GPATCH8: variants seen among roughly 807,000 people sequenced by gnomAD.
The protein encoded by GPATCH8 is G-patch domain containing 8, also known as G patch domain-containing protein 8.
GPATCH8 carries 18 observed loss-of-function variants against 118.3 expected under a neutral mutation model. The observed-to-expected ratio is 0.15, with a 90% CI of 0.11 to 0.23. GPATCH8 has a LOEUF of 0.23. Among genes scored for constraint, GPATCH8 ranks in the 10% least tolerant of loss-of-function variants. The probability of loss-of-function intolerance (pLI) is 1.00; values close to 1 mark genes in which losing one functional copy is unlikely to be tolerated. For missense variants in GPATCH8, 1,631 were observed against 1,873.8 expected (o/e 0.87, Z 2.39); for synonymous variants, 659 against 684.7 (o/e 0.96, Z 0.59).
At position 44,399,609 on chromosome 17, in the gene GPATCH8, G is replaced by A. The variant is rs2048929842; in HGVS notation, c.2468C>T (p.Ala823Val). ...PSSGDEDSDD[A>V]SSHRLHQKSP... ...CTTCTGGTGCAGCCGGTGTGAGGAAGCATCATCACTATCCTCATCTCCACT... is the reference window on the plus strand; with the variant it reads ...CTTCTGGTGCAGCCGGTGTGAGGAAACATCATCACTATCCTCATCTCCACT... Residue 823 changes from alanine (A) to valine (V), a missense_variant, in exon 8 of 8, where the codon GCT (alanine) becomes GTT (valine). By Grantham distance (64) the Ala-to-Val change is moderately conservative. Transcript: ENST00000591680. 4 of 1,614,078 alleles carry A rather than the reference G, an allele frequency of 2.5e-6. 1 individual carries two copies. The South Asian group carries it at 4.4e-5, about 18-fold the overall frequency.
intron 1 of GPATCH8, among the ~76,000 whole-genome samples, chr17:44,494,588 A>C (rs1364066713): frequency 6.6e-6 from 1 of 152,012 alleles, no homozygotes; most frequent in East Asian, 1.9e-4. Flanking sequence ...GCGAAACTTC[A>C]CCTCAAAATA....
rs140513229 is a variant in GPATCH8, at chr17:44,441,707, C to T, written c.194-5162G>A. ...CCACTGCACTCCAGCCTGGGCAACA[C>T]AACGACACTCCTTCCCCCCGCCCCC... On this transcript the variant is annotated intron_variant, in intron 3 of 7. Coordinates refer to ENST00000591680, the MANE Select transcript of GPATCH8 (RefSeq NM_001002909.4). Among the ~76,000 whole-genome samples the T allele has an allele frequency of 4.4e-3, 626 of 142,558 alleles. 2 individuals carry two copies. The highest frequency in any genetic ancestry group is 0.015 in the African/African-American group (585 of 38,226). The allele number at this position is 142,558 out of a possible 152,430, so 93.5% of individuals were successfully genotyped here.
chr17:44,464,900 T>C (rs1169969880), intron 2 of GPATCH8: 2 of 250,482 alleles, frequency 8.0e-6, no homozygotes, highest in Non-Finnish European at 1.6e-5. Context: ...ACTTATACAG[T>C]CATATCCACC....
At chr17:44,440,374 C>T (rs2050648385) in intron 3 of GPATCH8, among the ~76,000 whole-genome samples, 1 of 152,186 alleles carries the variant, frequency 6.6e-6, no homozygotes. Context: ...AACTGATACT[C>T]ATATTTTCTA....
chr17:44,444,252 A>AC (rs1555634101), intron 3 of GPATCH8, among the ~76,000 whole-genome samples: 3 of 3,810 alleles, frequency 7.9e-4, no homozygotes, highest in Non-Finnish European at 1.5e-3. Context: ...GTTACTTTCA[A>AC]TTAAAAAAAA....
rs1252302488 is a variant in GPATCH8, at chr17:44,397,101, A to C, written c.*467T>G. ...ACTACCCCAAAATGGTGGCACTTCC[A>C]CCACTAGAACAGCTTGGCCTTCCCT... On this transcript the variant is annotated 3_prime_UTR_variant, in exon 8 of 8. Coordinates refer to ENST00000591680, the MANE Select transcript of GPATCH8 (RefSeq NM_001002909.4). 1.3e-5 allele frequency: 6 copies of C among 454,872 alleles called. No individual in the cohort carries two copies. Among genetic ancestry groups the C allele is most frequent in the Non-Finnish European group, 2.6e-5 (6 of 227,464 alleles). 28.2% of individuals were successfully genotyped at this position (454,872 alleles called of 1,614,324 possible).
chr17:44,420,751 T>C (rs1021845973), intron 6 of GPATCH8, among the ~76,000 whole-genome samples: 4 of 152,120 alleles, frequency 2.6e-5, no homozygotes, highest in Non-Finnish European at 5.9e-5. Flanking sequence ...TACAACACAT[T>C]AATGCTGTCA....
chr17:44,435,195 C>G (rs1021437543), intron 4 of GPATCH8, 44 bp from the exon 5 acceptor site: 1 of 884,164 alleles, frequency 1.1e-6, no homozygotes, highest in Non-Finnish European at 1.9e-6. Flanking sequence ...CTAAAGTACC[C>G]CCAAGATTAG....
intron 3 of GPATCH8, among the ~76,000 whole-genome samples, chr17:44,448,945 A>G (rs2051008977): frequency 6.6e-6 from 1 of 152,104 alleles, no homozygotes; most frequent in African/African-American, 2.4e-5. Flanking sequence ...GATCCATTCT[A>G]TTTGCATTAA....
At chr17:44,424,644 T>C (rs2050026978) in intron 5 of GPATCH8, 152 bp from the exon 6 acceptor site, 1 of 668,122 alleles carries the variant, frequency 1.5e-6, no homozygotes, top group Non-Finnish European at 2.7e-6. Context: ...ACACAAGTGG[T>C]ACTTTGGTGG....
chr17:44,429,469 G>GTA (rs1339498840), intron 5 of GPATCH8, among the ~76,000 whole-genome samples: 41 of 151,712 alleles, frequency 2.7e-4, no homozygotes, highest in South Asian at 6.2e-4. Context: ...AATCTTGTGT[G>GTA]TATATATATA....
At chr17:44,480,840 C>G (rs1385218430) in intron 1 of GPATCH8, among the ~76,000 whole-genome samples, 1 of 152,022 alleles carries the variant, frequency 6.6e-6, no homozygotes, top group Non-Finnish European at 1.5e-5. Flanking sequence ...CACTGCACTC[C>G]AACCTGGGTG....
At position 44,401,167 on chromosome 17, in the gene GPATCH8, A is replaced by T; in HGVS notation, c.910T>A (p.Phe304Ile). 6.2e-7 allele frequency: 1 copy of T among 1,614,162 alleles called. No individual in the cohort carries two copies. The highest frequency in any genetic ancestry group is 1.1e-5 in the South Asian group (1 of 91,072). The change falls in exon 8 of 8, where the codon TTT becomes ATT. Residue 304 changes from phenylalanine to isoleucine, a missense_variant. Phe to Ile is a conservative substitution (Grantham distance 21, BLOSUM62 0). Transcript: ENST00000591680. ...PLQKLGVSFS[F>I]AKKAPVKLES... ...AGTTTGACAGGAGCCTTTTTGGCAAAAGAAAATGACACTCCCAATTTTTGC... is the reference window on the plus strand; with the variant it reads ...AGTTTGACAGGAGCCTTTTTGGCAATAGAAAATGACACTCCCAATTTTTGC...
rs991292019 is a variant in GPATCH8 at position 44,397,053 on chromosome 17, C to T, written c.*515G>A. 1 of 454,116 alleles carries T rather than the reference C, an allele frequency of 2.2e-6. No individual in the cohort carries two copies. The highest frequency in any genetic ancestry group is 4.4e-6 in the Non-Finnish European group (1 of 226,846). 28.1% of individuals were successfully genotyped at this position (454,116 alleles called of 1,614,324 possible). On this transcript the variant is annotated 3_prime_UTR_variant, in exon 8 of 8. Coordinates refer to ENST00000591680, the MANE Select transcript of GPATCH8 (RefSeq NM_001002909.4). ...TTCCACCTCACCTGGGATAACGTAA[C>T]GTCACCAAAGATGGTCAAAGATACT...
intron 2 of GPATCH8, among the ~76,000 whole-genome samples, chr17:44,472,725 T>C (rs1395386954): frequency 6.6e-6 from 1 of 152,224 alleles, no homozygotes; most frequent in Non-Finnish European, 1.5e-5. Context: ...AGATGGAGTC[T>C]CGCTCTGTCA....
At chr17:44,447,457 A>C (rs1050004174) in intron 3 of GPATCH8, among the ~76,000 whole-genome samples, 4 of 152,034 alleles carry the variant, frequency 2.6e-5, no homozygotes, top group Non-Finnish European at 4.4e-5. Flanking sequence ...GCACCCAGCC[A>C]ATAAACTTCT....
At position 44,397,883 on chromosome 17, in the gene GPATCH8, A is replaced by G; in HGVS notation, c.4194T>C (p.His1398=). The part of the protein sequence containing the change: ...AAAIGIHPHP[H]PQPLAQVHHI... ...GATGCACCTGGGCAAGTGGTTGGGG[A>G]TGGGGGTGAGGGTGAATGCCGATGG... Residue 1398 remains histidine (H), a synonymous_variant, in exon 8 of 8, where the codon CAT becomes CAC. Coordinates refer to ENST00000591680, the MANE Select transcript of GPATCH8 (RefSeq NM_001002909.4). 6.2e-7 allele frequency: 1 copy of G among 1,607,780 alleles called. No individual in the cohort carries two copies. The highest frequency in any genetic ancestry group is 1.3e-5 in the African/African-American group (1 of 74,670).
Position 44,395,342 on chromosome 17 carries a change from CTATCA to C in GPATCH8, c.*2221_*2225del. On this transcript the variant is annotated 3_prime_UTR_variant, in exon 8 of 8. Coordinates refer to ENST00000591680, the MANE Select transcript of GPATCH8 (RefSeq NM_001002909.4). Reference sequence around the variant, plus strand: ...CCCTCATTTTACAGCATATATATCTCTATCATATGTGATAAAGTTAAATACAATCT... The same window carrying C: ...CCCTCATTTTACAGCATATATATCTCTATGTGATAAAGTTAAATACAATCT... The C allele has an allele frequency of 2.3e-6, 1 of 437,542 alleles. No individual in the cohort carries two copies. Among genetic ancestry groups the C allele is most frequent in the Non-Finnish European group, 4.5e-6 (1 of 220,708 alleles). The allele number at this position is 437,542 out of a possible 1,614,324, so 27.1% of individuals were successfully genotyped here. A position where few individuals can be genotyped will look rare whatever the true frequency, so the allele number is the denominator to read the frequency against.
chr17:44,441,437 G>A (rs1181769834), intron 3 of GPATCH8, among the ~76,000 whole-genome samples: 1 of 152,148 alleles, frequency 6.6e-6, no homozygotes, highest in African/African-American at 2.4e-5. Context: ...CAAATATTGA[G>A]TTTTGGCTAG....
Sources: gnomAD v4.1 joint callset for allele counts (sites outside exome capture counted in the v4.1 genomes callset) on GRCh38, gnomAD v4.1.1 for gene constraint, MANE v1.5 for transcripts, NCBI Gene and HGNC (gene_info 2026-07-23, HGNC 2026-07-21) for gene names.